The following LRIG3 variants were observed in gnomAD, a reference collection of about 807,000 sequenced individuals.
LRIG3 encodes the protein leucine rich repeats and immunoglobulin like domains 3, also known as leucine-rich repeats and immunoglobulin-like domains protein 3.
Under a neutral mutation model 114.5 loss-of-function variants are expected in LRIG3, and 76 were observed. The ratio of observed to expected loss-of-function variants is 0.66; its 90% CI spans 0.55 to 0.80. LRIG3 has a LOEUF of 0.80. Ranked by LOEUF, LRIG3 falls within the 30% of genes least tolerant of loss-of-function variation. The pLI, the probability that LRIG3 is intolerant of heterozygous loss-of-function variation, is 0.00. For synonymous variants in LRIG3, 512 were observed against 519.8 expected (o/e 0.98, Z 0.20); for missense variants, 1,239 against 1,382.8 (o/e 0.90, Z 1.65).
intron 3 of LRIG3, among the ~76,000 whole-genome samples, chr12:58,904,023 G>C (rs1871969986): frequency 6.6e-6 from 1 of 151,980 alleles, no homozygotes; most frequent in African/African-American, 2.4e-5. Flanking sequence ...TTGTTCTTTT[G>C]GCTTAGGATT....
intron 14 of LRIG3, among the ~76,000 whole-genome samples, chr12:58,878,084 C>A (rs1870989897): frequency 6.6e-6 from 1 of 152,144 alleles, no homozygotes; most frequent in Non-Finnish European, 1.5e-5. Context: ...AAAATCTCAG[C>A]TTCCCTCACT....
chr12:58,876,448 T>C lies in LRIG3; in HGVS notation c.2692A>G (p.Ser898Gly), dbSNP rs1249235312. 6.2e-7 allele frequency: 1 copy of C among 1,613,950 alleles called. No individual in the cohort carries two copies. Among genetic ancestry groups the C allele is most frequent in the Admixed American group, 1.7e-5 (1 of 59,998 alleles). Residue 898 changes from serine (S) to glycine (G), a missense_variant, in exon 16 of 19, where the codon AGT (serine) becomes GGT (glycine). Coordinates refer to ENST00000320743, the MANE Select transcript of LRIG3 (RefSeq NM_153377.5). ...AGFFLPQHDS[S>G]GTCHIDNSSE... ...CACATTCATTTTAAACACTTACCAC[T>C]ACTGTCATGTTGTGGTAAGAAAAAT...
Position 58,876,465 on chromosome 12 carries a change from A to G in LRIG3, c.2675T>C (p.Leu892Ser). Residue 892 changes from leucine (L) to serine (S), a missense_variant, in exon 16 of 19, where the codon TTA (leucine) becomes TCA (serine). Leu to Ser is a moderately radical substitution (Grantham distance 145). Coordinates refer to ENST00000320743, the MANE Select transcript of LRIG3 (RefSeq NM_153377.5). ...CTTACCACTACTGTCATGTTGTGGTAAGAAAAATCCAGCACCTGAAGATGT... is the reference window on the plus strand; with the variant it reads ...CTTACCACTACTGTCATGTTGTGGTGAGAAAAATCCAGCACCTGAAGATGT... ...FVTSSGAGFFLPQHDSSGTCH... is the reference protein window; with the variant it reads ...FVTSSGAGFFSPQHDSSGTCH... 2 of 1,614,154 alleles carry G rather than the reference A, an allele frequency of 1.2e-6. No individual in the cohort carries two copies. The highest frequency in any genetic ancestry group is 1.3e-5 in the African/African-American group (1 of 75,040).
chr12:58,894,617 T>C (rs895071644), intron 3 of LRIG3, among the ~76,000 whole-genome samples: 1 of 152,198 alleles, frequency 6.6e-6, no homozygotes, highest in Admixed American at 6.5e-5. Flanking sequence ...ACCTTTCATT[T>C]TTCTCCAAAT....
chr12:58,877,295 C>G (rs145468849), intron 15 of LRIG3, 105 bp downstream of exon 15: 30 of 1,132,702 alleles, frequency 2.6e-5, no homozygotes, highest in Non-Finnish European at 3.5e-5. Context: ...AATGAGTCAC[C>G]CTTCTGAGAT....
chr12:58,910,841 C>G (rs1345726016), intron 3 of LRIG3, among the ~76,000 whole-genome samples: 2 of 152,140 alleles, frequency 1.3e-5, no homozygotes, highest in Non-Finnish European at 2.9e-5. Context: ...TTCCCTAACC[C>G]AAGGCACAGA....
chr12:58,910,890 C>T (rs1872251037), intron 3 of LRIG3, among the ~76,000 whole-genome samples: 1 of 152,208 alleles, frequency 6.6e-6, no homozygotes, highest in East Asian at 1.9e-4. Flanking sequence ...TCATTCCACA[C>T]CACGCAAAGC....
intron 3 of LRIG3, among the ~76,000 whole-genome samples, chr12:58,895,939 C>G (rs1305092280): frequency 1.3e-5 from 2 of 152,134 alleles, no homozygotes; most frequent in African/African-American, 4.8e-5. Flanking sequence ...CAGCCTCTGG[C>G]CACAGGGACC....
Position 58,919,995 on chromosome 12 carries a change from C to T in LRIG3, c.236+5G>A. On this transcript the variant is annotated splice_donor_5th_base_variant and intron_variant, in intron 1 of 18. Transcript: ENST00000320743. ...GCCCCCTCCCCCCGCGGGAAGAATA[C>T]TTACAGCCGAGCGACCCAGGACGGG... is the stretch of plus-strand genomic sequence containing the variant. 1 of 1,550,966 alleles carries T rather than the reference C, an allele frequency of 6.4e-7. No individual in the cohort carries two copies.
chr12:58,913,546 A>C (rs927668049), intron 3 of LRIG3: 1 of 153,978 alleles, frequency 6.5e-6, no homozygotes, highest in African/African-American at 2.4e-5. Context: ...TTAAAACAGG[A>C]TACTCCAATG....
rs1021696770 is a variant in LRIG3 at position 58,902,234 on chromosome 12, G to C, written c.384-11438C>G. ...GATACTTTGTGTGGGATCACAAAGC[G>C]ATGTGACTCAATTCAAAAGCATCTT... On this transcript the variant is annotated intron_variant, in intron 3 of 18. Transcript: ENST00000320743. Among the ~76,000 whole-genome samples, 6 of 151,884 alleles carry C rather than the reference G, an allele frequency of 4.0e-5. No homozygotes were observed. In the South Asian group the frequency reaches 6.2e-4, roughly 16 times the overall value.
chr12:58,880,266 T>C (rs1871077179), intron 13 of LRIG3: 3 of 388,254 alleles, frequency 7.7e-6, no homozygotes, highest in South Asian at 6.1e-5. Context: ...CAGGATGTCA[T>C]CCAGCCTTGG....
rs1326032054 is a variant in LRIG3, at chr12:58,914,032, C to T, written c.333G>A (p.Glu111=). 1 of 1,610,862 alleles carries T rather than the reference C, an allele frequency of 6.2e-7. No individual in the cohort carries two copies. The highest frequency in any genetic ancestry group is 1.1e-5 in the South Asian group (1 of 90,404). The part of the protein sequence containing the change: ...REVKLNNNEL[E]TIPNLGPVSA... Reference sequence around the variant, plus strand: ...AGACTGGTCCCAGATTTGGAATGGTCTCCAATTCATTGTTGTTCAGTTTCC... The same window carrying T: ...AGACTGGTCCCAGATTTGGAATGGTTTCCAATTCATTGTTGTTCAGTTTCC... Residue 111 remains glutamate, a synonymous_variant, in exon 3 of 19, where the codon GAG becomes GAA. Coordinates refer to ENST00000320743, the MANE Select transcript of LRIG3 (RefSeq NM_153377.5).
At chr12:58,908,674 C>G (rs965711960) in intron 3 of LRIG3, among the ~76,000 whole-genome samples, 1 of 152,156 alleles carries the variant, frequency 6.6e-6, no homozygotes, top group Non-Finnish European at 1.5e-5. Flanking sequence ...TTATGTAAAA[C>G]GTAGGTATGC....
chr12:58,894,118 G>C (rs866392842), intron 3 of LRIG3, among the ~76,000 whole-genome samples: 3 of 152,146 alleles, frequency 2.0e-5, no homozygotes, highest in Non-Finnish European at 4.4e-5. Flanking sequence ...AATTACTTGA[G>C]TGACGAATAA....
intron 1 of LRIG3, among the ~76,000 whole-genome samples, chr12:58,915,562 A>C (rs891912924): frequency 3.3e-5 from 5 of 152,126 alleles, no homozygotes; most frequent in African/African-American, 1.2e-4. Context: ...AAAAAAAAAA[A>C]TCTGCAAGGT....
At chr12:58,883,997 A>G (rs559411747) in intron 10 of LRIG3, among the ~76,000 whole-genome samples, 4 of 152,342 alleles carry the variant, frequency 2.6e-5, no homozygotes, top group African/African-American at 9.6e-5. Flanking sequence ...ATTTTTGAAG[A>G]TATGCACTCA....
intron 1 of LRIG3, among the ~76,000 whole-genome samples, chr12:58,915,471 T>C (rs1414533780): frequency 6.6e-6 from 1 of 152,184 alleles, no homozygotes; most frequent in Non-Finnish European, 1.5e-5. Context: ...ACTCAGTGTT[T>C]AGTTAACAAT....
chr12:58,914,506 C>G, intron 1 of LRIG3, 170 bp from the exon 2 acceptor site: 1 of 565,538 alleles, frequency 1.8e-6, no homozygotes. Flanking sequence ...AATACAAGCT[C>G]CAAGGACAAA....
Sources: gnomAD v4.1 joint callset for allele counts (sites outside exome capture counted in the v4.1 genomes callset) on GRCh38, gnomAD v4.1.1 for gene constraint, MANE v1.5 for transcripts, NCBI Gene and HGNC (gene_info 2026-07-23, HGNC 2026-07-21) for gene names.